The following FHIT variants were observed in gnomAD, a reference collection of about 807,000 sequenced individuals.
FHIT encodes bis(5'-adenosyl)-triphosphatase.
FHIT carries 19 observed loss-of-function variants against 17.9 expected under a neutral mutation model. The ratio of observed to expected loss-of-function variants is 1.06; its 90% CI spans 0.74 to 1.56. The LOEUF is 1.56. FHIT is among the 40% of genes most tolerant of loss of function. The pLI is 0.00. For missense variants in FHIT, 248 were observed against 189.2 expected (o/e 1.31, Z -1.82); for synonymous variants, 81 against 69.7 (o/e 1.16, Z -0.81).
chr3:60,353,211 G>A (rs17606826), intron 5 of FHIT, among the ~76,000 whole-genome samples: 20,323 of 152,002 alleles, frequency 0.13, 1,477 homozygotes, highest in Non-Finnish European at 0.16. Context: ...TTACCATGAA[G>A]CTGAATCCTC....
rs373566996 is a variant in FHIT at position 60,683,390 on chromosome 3, C to G, written c.-18+138529G>C. Among the ~76,000 whole-genome samples, 66 of 152,202 alleles carry G rather than the reference C, an allele frequency of 4.3e-4. 1 individual carries two copies. Among genetic ancestry groups the G allele is most frequent in the African/African-American group, 1.5e-3 (63 of 41,542 alleles). On this transcript the variant is annotated intron_variant, in intron 4 of 9. Transcript: ENST00000492590. ...ACAAATTGCCACAGCCACTTCTGCC[C>G]TCAACAACCACCAGTCTGATCAGTC...
chr3:59,931,348 A>G lies in FHIT; in HGVS notation c.280-8934T>C, dbSNP rs192282302. On this transcript the variant is annotated intron_variant, in intron 7 of 9. Transcript: ENST00000492590. Reference sequence around the variant, plus strand: ...ATTTGGGGAGGCCTCATCTTCTGCAACTAAGTCGAGTCAAGGGTCAGCATG... The same window carrying G: ...ATTTGGGGAGGCCTCATCTTCTGCAGCTAAGTCGAGTCAAGGGTCAGCATG... Among the ~76,000 whole-genome samples the G allele has an allele frequency of 2.4e-3, 360 of 152,296 alleles. 1 individual carries two copies. The highest frequency in any genetic ancestry group is 8.3e-3 in the African/African-American group (344 of 41,562).
At chr3:60,179,328 C>T (rs1008543048) in intron 5 of FHIT, among the ~76,000 whole-genome samples, 1 of 152,178 alleles carries the variant, frequency 6.6e-6, no homozygotes, top group Non-Finnish European at 1.5e-5. Context: ...TGCCCTTTCC[C>T]CTATATCACA....
At chr3:60,842,626 A>T (rs200131454) in intron 3 of FHIT, among the ~76,000 whole-genome samples, 26 of 79,554 alleles carry the variant, frequency 3.3e-4, no homozygotes, top group African/African-American at 1.2e-3. Flanking sequence ...TATATATATG[A>T]GTGTATATAT....
intron 8 of FHIT, among the ~76,000 whole-genome samples, chr3:59,796,635 T>A (rs1180449943): frequency 6.6e-6 from 1 of 152,228 alleles, no homozygotes; most frequent in Non-Finnish European, 1.5e-5. Context: ...TCTATGAAGA[T>A]GCTTTTATAA....
intron 5 of FHIT, among the ~76,000 whole-genome samples, chr3:60,167,493 T>C (rs774524064): frequency 2.0e-5 from 3 of 152,198 alleles, no homozygotes; most frequent in African/African-American, 4.8e-5. Context: ...AGTAGCATGA[T>C]AGAAATGCAA....
chr3:59,909,331 C>T (rs1294766769), intron 8 of FHIT, among the ~76,000 whole-genome samples: 1 of 150,600 alleles, frequency 6.6e-6, no homozygotes, highest in Non-Finnish European at 1.5e-5. Context: ...TGCGCCCGGC[C>T]CTACTTTTTA....
At chr3:60,926,401 C>A (rs1400084233) in intron 3 of FHIT, among the ~76,000 whole-genome samples, 2 of 152,222 alleles carry the variant, frequency 1.3e-5, no homozygotes, top group Non-Finnish European at 2.9e-5. Context: ...GATTAAGAAA[C>A]TCACTCGAAA....
chr3:59,780,439 G>T (rs190997391), intron 8 of FHIT, among the ~76,000 whole-genome samples: 10 of 152,274 alleles, frequency 6.6e-5, no homozygotes, highest in Admixed American at 2.0e-4. Context: ...CTATGTACAG[G>T]AATGAATCAG....
At chr3:60,876,181 T>TA (rs1282173930) in intron 3 of FHIT, among the ~76,000 whole-genome samples, 1 of 152,082 alleles carries the variant, frequency 6.6e-6, no homozygotes, top group Non-Finnish European at 1.5e-5. Flanking sequence ...CTGAGACAGA[T>TA]AAAAAATAGA....
intron 4 of FHIT, among the ~76,000 whole-genome samples, chr3:60,625,047 T>C (rs914379539): frequency 6.6e-6 from 1 of 152,132 alleles, no homozygotes; most frequent in African/African-American, 2.4e-5. Context: ...TATCTGGGAC[T>C]ACAGGCACAT....
intron 5 of FHIT, among the ~76,000 whole-genome samples, chr3:60,102,957 A>T (rs1490037236): frequency 2.0e-5 from 3 of 152,222 alleles, no homozygotes; most frequent in Admixed American, 2.0e-4. Flanking sequence ...GGAGTTGTGG[A>T]AAGTCAAATA....
chr3:59,797,900 A>G (rs1185905449), intron 8 of FHIT, among the ~76,000 whole-genome samples: 2 of 152,196 alleles, frequency 1.3e-5, no homozygotes, highest in East Asian at 1.9e-4. Flanking sequence ...AAATCGTTAC[A>G]TTTGCTGTGA....
intron 8 of FHIT, among the ~76,000 whole-genome samples, chr3:59,826,165 C>T (rs190678272): frequency 2.6e-5 from 4 of 152,040 alleles, no homozygotes; most frequent in African/African-American, 4.8e-5. Flanking sequence ...ACACCCAGGC[C>T]GGAGTGCAGT....
At chr3:60,858,288 C>G (rs777711767) in intron 3 of FHIT, among the ~76,000 whole-genome samples, 1 of 152,078 alleles carries the variant, frequency 6.6e-6, no homozygotes, top group Non-Finnish European at 1.5e-5. Flanking sequence ...GAAAAACACA[C>G]TTTTAAGCAG....
At chr3:60,048,339 C>T (rs1034577205) in intron 5 of FHIT, among the ~76,000 whole-genome samples, 1 of 151,990 alleles carries the variant, frequency 6.6e-6, no homozygotes, top group African/African-American at 2.4e-5. Flanking sequence ...ACCACGCTTC[C>T]CTAATTTTTT....
At chr3:60,133,722 C>A (rs914964890) in intron 5 of FHIT, among the ~76,000 whole-genome samples, 2 of 151,678 alleles carry the variant, frequency 1.3e-5, no homozygotes, top group Non-Finnish European at 2.9e-5. Context: ...TTAACCTCTG[C>A]CAGAGCTCCT....
intron 8 of FHIT, among the ~76,000 whole-genome samples, chr3:59,903,792 C>T (rs576240395): frequency 3.9e-5 from 6 of 152,148 alleles, no homozygotes; most frequent in East Asian, 1.9e-4. Context: ...GGAGGCAATT[C>T]GATTAAGCAA....
chr3:60,153,289 A>T (rs1700543771), intron 5 of FHIT, among the ~76,000 whole-genome samples: 1 of 150,152 alleles, frequency 6.7e-6, no homozygotes, highest in Admixed American at 6.7e-5. Flanking sequence ...GCCTCTTCAA[A>T]GTTCTTTCTA....
Sources: gnomAD v4.1 joint callset for allele counts (sites outside exome capture counted in the v4.1 genomes callset) on GRCh38, gnomAD v4.1.1 for gene constraint, MANE v1.5 for transcripts, NCBI Gene and HGNC (gene_info 2026-07-23, HGNC 2026-07-21) for gene names.